The following TRIM2 variants were observed in gnomAD, a reference collection of about 807,000 sequenced individuals.
TRIM2 encodes tripartite motif-containing protein 2.
Under a neutral mutation model 75.2 loss-of-function variants are expected in TRIM2, and 20 were observed. The observed-to-expected ratio is 0.27, with a 90% confidence interval of 0.19 to 0.39. The LOEUF is 0.39. Among genes scored for constraint, TRIM2 ranks in the 10% least tolerant of loss-of-function variants. TRIM2 has a pLI of 1.00. For synonymous variants in TRIM2, 373 were observed against 388.3 expected (o/e 0.96, Z 0.46); for missense variants, 660 against 990.8 (o/e 0.67, Z 4.48).
intron 1 of TRIM2, among the ~76,000 whole-genome samples, chr4:153,250,202 C>T (rs1299219393): frequency 3.3e-5 from 5 of 152,122 alleles, no homozygotes; most frequent in African/African-American, 4.8e-5. Flanking sequence ...TTACTACAAC[C>T]TCAGCTTCTT....
chr4:153,214,898 A>G (rs996467539), intron 1 of TRIM2, among the ~76,000 whole-genome samples: 16 of 152,288 alleles, frequency 1.1e-4, no homozygotes, highest in African/African-American at 3.6e-4. Context: ...TCTTTTTTCA[A>G]TGTTAAGCTA....
chr4:153,204,905 C>G (rs1579520325), intron 1 of TRIM2, among the ~76,000 whole-genome samples: 1 of 152,330 alleles, frequency 6.6e-6, no homozygotes, highest in East Asian at 1.9e-4. Context: ...AGGAGCTTAG[C>G]TGGGCCTCTC....
intron 1 of TRIM2, among the ~76,000 whole-genome samples, chr4:153,198,287 G>A (rs1012036656): frequency 7.9e-5 from 12 of 152,272 alleles, no homozygotes; most frequent in African/African-American, 2.4e-4. Context: ...ATTCCCGCAT[G>A]TTGTGGGAGG....
chr4:153,190,317 G>A (rs1292514777), intron 1 of TRIM2, among the ~76,000 whole-genome samples: 1 of 152,234 alleles, frequency 6.6e-6, no homozygotes, highest in Non-Finnish European at 1.5e-5. Flanking sequence ...AAACAGAATA[G>A]CAGATAGTGG....
chr4:153,177,300 G>T (rs1731543366), intron 1 of TRIM2, among the ~76,000 whole-genome samples: 1 of 152,200 alleles, frequency 6.6e-6, no homozygotes, highest in African/African-American at 2.4e-5. Context: ...CATGACCACA[G>T]ATAGCTGCAC....
At chr4:153,204,660 G>A in intron 1 of TRIM2, 100 bp downstream of exon 1, 1 of 1,466,638 alleles carries the variant, frequency 6.8e-7, no homozygotes, top group Non-Finnish European at 9.3e-7. Flanking sequence ...ACTTTTTCCT[G>A]GTTTTAATTT....
intron 10 of TRIM2, among the ~76,000 whole-genome samples, chr4:153,326,874 A>G: frequency 6.6e-6 from 1 of 151,506 alleles, no homozygotes; most frequent in Non-Finnish European, 1.5e-5. Flanking sequence ...CCAGGCCCTC[A>G]GGAGGTTGAG....
At chr4:153,328,469 CCAT>C in intron 10 of TRIM2, 58 bp from the exon 11 acceptor site, 1 of 1,416,046 alleles carries the variant, frequency 7.1e-7, no homozygotes, top group Non-Finnish European at 9.6e-7. Context: ...TTTTTTTAAT[CCAT>C]CATGTTGGTT....
At chr4:153,211,494 T>C (rs34941387) in intron 1 of TRIM2, among the ~76,000 whole-genome samples, 51,922 of 147,208 alleles carry the variant, frequency 0.35, 9,836 homozygotes, top group East Asian at 0.62. Flanking sequence ...TTTTCTTTTT[T>C]TTTTTTTTTT....
chr4:153,201,121 G>A (rs576818240), upstream of TRIM2, among the ~76,000 whole-genome samples: 95 of 152,096 alleles, frequency 6.2e-4, no homozygotes, highest in African/African-American at 2.2e-3. Context: ...GCACCACCAC[G>A]CCTGGCTAAT....
chr4:153,238,152 G>T (rs1170582211), intron 1 of TRIM2, among the ~76,000 whole-genome samples: 1 of 152,166 alleles, frequency 6.6e-6, no homozygotes, highest in African/African-American at 2.4e-5. Context: ...CTGGGTAAGG[G>T]TGAGCTTGAA....
At chr4:153,333,961 T>C (rs150503498) in intron 11 of TRIM2, among the ~76,000 whole-genome samples, 81 of 152,088 alleles carry the variant, frequency 5.3e-4, no homozygotes, top group East Asian at 1.5e-3. Context: ...TGTTGAACCA[T>C]TGACTTCTTA....
chr4:153,336,813 A>G lies in TRIM2; in HGVS notation c.*1847A>G, dbSNP rs1428620657. ...TCTGAAAAAAGGTTTTTCCAGGAAG[A>G]TTTACATTTAGGTTTAATATTTTTT... On this transcript the variant is annotated 3_prime_UTR_variant, in exon 12 of 12. Coordinates refer to ENST00000338700, the MANE Select transcript of TRIM2 (RefSeq NM_015271.5). 1 of 985,436 alleles carries G rather than the reference A, an allele frequency of 1.0e-6. No individual in the cohort carries two copies. Among genetic ancestry groups the G allele is most frequent in the Non-Finnish European group, 1.2e-6 (1 of 829,680 alleles). 61.0% of individuals were successfully genotyped at this position (985,436 alleles called of 1,614,324 possible).
At chr4:153,203,936 A>G (rs1369843436), upstream of TRIM2, among the ~76,000 whole-genome samples, 1 of 152,028 alleles carries the variant, frequency 6.6e-6, no homozygotes, top group South Asian at 2.1e-4. Flanking sequence ...AGATGTGCCA[A>G]TCAAACAAGT....
chr4:153,245,636 G>A (rs1011323779), intron 1 of TRIM2, among the ~76,000 whole-genome samples: 3 of 152,230 alleles, frequency 2.0e-5, no homozygotes, highest in African/African-American at 7.2e-5. Context: ...ATTGAACACA[G>A]TTATAATCAT....
At chr4:153,171,807 A>G (rs1037911277) in intron 1 of TRIM2, among the ~76,000 whole-genome samples, 1 of 144,260 alleles carries the variant, frequency 6.9e-6, no homozygotes, top group Non-Finnish European at 1.5e-5. Flanking sequence ...CCCTCCCCGC[A>G]TCCCAGCTTT....
intron 1 of TRIM2, among the ~76,000 whole-genome samples, chr4:153,214,169 A>G (rs2149722236): frequency 6.6e-6 from 1 of 152,332 alleles, no homozygotes; most frequent in Middle Eastern, 3.4e-3. Flanking sequence ...GATACATCTT[A>G]CAAAAGTGCT....
chr4:153,270,089 C>T (rs534204084), intron 1 of TRIM2, among the ~76,000 whole-genome samples: 153 of 152,004 alleles, frequency 1.0e-3, no homozygotes, highest in African/African-American at 3.2e-3. Flanking sequence ...CCACCACACC[C>T]GGCTAATTTT....
chr4:153,287,892 G>A (rs1761004116), intron 3 of TRIM2, among the ~76,000 whole-genome samples: 1 of 152,006 alleles, frequency 6.6e-6, no homozygotes, highest in Non-Finnish European at 1.5e-5. Flanking sequence ...GTGGACCCAG[G>A]TTACTTTGTA....
Sources: gnomAD v4.1 joint callset for allele counts (sites outside exome capture counted in the v4.1 genomes callset) on GRCh38, gnomAD v4.1.1 for gene constraint, MANE v1.5 for transcripts, NCBI Gene and HGNC (gene_info 2026-07-23, HGNC 2026-07-21) for gene names.